Variants in HS6ST3 observed in about 807,000 individuals in gnomAD.
The protein encoded by HS6ST3 is heparan sulfate 6-O-sulfotransferase 3, also known as heparan-sulfate 6-O-sulfotransferase 3.
HS6ST3 carries 12 observed loss-of-function variants against 36.7 expected under a neutral mutation model. The observed-to-expected ratio is 0.33, with a 90% CI of 0.21 to 0.53. The LOEUF (loss-of-function observed/expected upper bound fraction) is 0.53, where lower values mean the gene tolerates loss of function less well. Ranked by LOEUF, HS6ST3 falls within the 20% of genes least tolerant of loss-of-function variation. The pLI, the probability that HS6ST3 is intolerant of heterozygous loss-of-function variation, is 0.95. For synonymous variants in HS6ST3, 240 were observed against 257.5 expected, an observed-to-expected ratio of 0.93 and a Z score of 0.65; for missense variants, 584 against 640.9, an observed-to-expected ratio of 0.91 and a Z score of 0.96.
chr13:96,210,657 A>C (rs1033451140), intron 1 of HS6ST3, among the ~76,000 whole-genome samples: 6 of 150,862 alleles, frequency 4.0e-5, no homozygotes, highest in African/African-American at 1.5e-4. Flanking sequence ...ACAGTGGCAC[A>C]ATCTCAGCTT....
chr13:96,194,061 CT>C (rs1203251812), intron 1 of HS6ST3, among the ~76,000 whole-genome samples: 1 of 152,186 alleles, frequency 6.6e-6, no homozygotes, highest in East Asian at 1.9e-4. Flanking sequence ...GTGGAATTCT[CT>C]TTTAATCTGC....
intron 1 of HS6ST3, among the ~76,000 whole-genome samples, chr13:96,331,997 C>A (rs2055072531): frequency 6.6e-6 from 1 of 152,238 alleles, no homozygotes; most frequent in African/African-American, 2.4e-5. Flanking sequence ...CTCCCTGACC[C>A]CTTGCGCTTC....
intron 1 of HS6ST3, among the ~76,000 whole-genome samples, chr13:96,344,124 ATAGGTGTGTATACG>A (rs550871853): frequency 1.2e-3 from 188 of 152,296 alleles, no homozygotes; most frequent in Admixed American, 4.0e-3. Flanking sequence ...TGTATATTAT[ATAGGTGTGTATACG>A]TAGGTGTCAG....
In HS6ST3 at chr13:96,494,405, G is replaced by C. The variant is rs12875290; in HGVS notation, c.708-338085G>C. On this transcript the variant is annotated intron_variant, in intron 1 of 1. Transcript: ENST00000376705. ...CGGGGCCTGTTGTGGGGTGGGGGGA[G>C]GGGGGAGGGATAGCATTAGGAGATA... is the stretch of plus-strand genomic sequence containing the variant. Among the ~76,000 whole-genome samples the C allele has an allele frequency of 2.5e-5, 3 of 120,934 alleles. No individual in the cohort carries two copies. In the Admixed American group the frequency reaches 2.7e-4, roughly 11 times the overall value. The allele number at this position is 120,934 out of a possible 152,430, so 79.3% of individuals were successfully genotyped here. A position where few individuals can be genotyped will look rare whatever the true frequency, so the allele number is the denominator to read the frequency against.
intron 1 of HS6ST3, among the ~76,000 whole-genome samples, chr13:96,442,805 A>G (rs1202851520): frequency 6.6e-6 from 1 of 151,520 alleles, no homozygotes; most frequent in African/African-American, 2.4e-5. Context: ...GTCTGAGAAC[A>G]TGATAAAGGA....
chr13:96,652,338 C>T (rs2056610333), intron 1 of HS6ST3, among the ~76,000 whole-genome samples: 2 of 151,514 alleles, frequency 1.3e-5, no homozygotes, highest in Non-Finnish European at 2.9e-5. Context: ...AGTCCCGTCC[C>T]TTTCCTCTCC....
Position 96,440,517 on chromosome 13 carries a change from A to G in HS6ST3, c.707+348948A>G, listed in dbSNP as rs72639760. ...GAGAAAGGAAAGGAAAGGAAAGGAA[A>G]GGAAAGGAAAAGAGGGTTTTCTTAG... On this transcript the variant is annotated intron_variant, in intron 1 of 1. Transcript: ENST00000376705. Among the ~76,000 whole-genome samples the G allele has an allele frequency of 1.0e-4, 8 of 79,774 alleles. No homozygotes were observed. The East Asian group carries it at 2.6e-3, about 26-fold the overall frequency. The allele number at this position is 79,774 out of a possible 152,430, so 52.3% of individuals were successfully genotyped here.
chr13:96,521,703 T>C (rs2056094216), intron 1 of HS6ST3, among the ~76,000 whole-genome samples: 1 of 152,180 alleles, frequency 6.6e-6, no homozygotes, highest in South Asian at 2.1e-4. Flanking sequence ...TGATATCCCC[T>C]TTATCATGTT....
At chr13:96,121,552 C>T (rs1402160691) in intron 1 of HS6ST3, among the ~76,000 whole-genome samples, 1 of 152,238 alleles carries the variant, frequency 6.6e-6, no homozygotes. Flanking sequence ...TAGATGGCCA[C>T]AATTGCTAAT....
At chr13:96,461,276 A>G (rs1217832968) in intron 1 of HS6ST3, among the ~76,000 whole-genome samples, 1 of 152,244 alleles carries the variant, frequency 6.6e-6, no homozygotes, top group East Asian at 1.9e-4. Context: ...TATCCTTCAA[A>G]AACTGACAGT....
intron 1 of HS6ST3, among the ~76,000 whole-genome samples, chr13:96,616,737 G>A (rs2056475601): frequency 6.6e-6 from 1 of 152,178 alleles, no homozygotes; most frequent in Non-Finnish European, 1.5e-5. Context: ...TTATTAGACA[G>A]TTGTAATAAT....
chr13:96,787,456 T>G (rs181499052), intron 1 of HS6ST3, among the ~76,000 whole-genome samples: 1 of 152,272 alleles, frequency 6.6e-6, no homozygotes, highest in East Asian at 1.9e-4. Flanking sequence ...TATATATGTA[T>G]TTACTTTAGC....
intron 1 of HS6ST3, among the ~76,000 whole-genome samples, chr13:96,403,847 C>G (rs1366713217): frequency 2.0e-5 from 3 of 152,154 alleles, no homozygotes; most frequent in Non-Finnish European, 4.4e-5. Flanking sequence ...GGTTCTTAGG[C>G]AAAGACTGTG....
At chr13:96,696,764 C>G (rs1459220165) in intron 1 of HS6ST3, among the ~76,000 whole-genome samples, 1 of 152,120 alleles carries the variant, frequency 6.6e-6, no homozygotes, top group Non-Finnish European at 1.5e-5. Flanking sequence ...AGAATTAGGA[C>G]AGCCAACATG....
At chr13:96,787,998 G>A (rs1049426448) in intron 1 of HS6ST3, among the ~76,000 whole-genome samples, 9 of 152,012 alleles carry the variant, frequency 5.9e-5, no homozygotes, top group African/African-American at 2.2e-4. Flanking sequence ...AACACCATTT[G>A]TTGAAGACAC....
chr13:96,766,000 C>G (rs1253587865), intron 1 of HS6ST3, among the ~76,000 whole-genome samples: 3 of 152,238 alleles, frequency 2.0e-5, no homozygotes, highest in Non-Finnish European at 4.4e-5. Context: ...TGAGCATAAA[C>G]TGGCAGTACA....
In HS6ST3 at chr13:96,476,282, C is replaced by T. The variant is rs74106470; in HGVS notation, c.708-356208C>T. 8.7e-3 allele frequency among the ~76,000 whole-genome samples: 1,327 copies of T among 152,164 alleles called. 20 individuals are homozygous for T. Among genetic ancestry groups the T allele is most frequent in the African/African-American group, 0.03 (1,241 of 41,506 alleles). On this transcript the variant is annotated intron_variant, in intron 1 of 1. Coordinates refer to ENST00000376705, the MANE Select transcript of HS6ST3 (RefSeq NM_153456.4). ...GACAGATGCTAGGGGTCTTTAGACACGTACAATGGATGGGTTGCTGATGGG... is the reference window on the plus strand; with the variant it reads ...GACAGATGCTAGGGGTCTTTAGACATGTACAATGGATGGGTTGCTGATGGG...
intron 1 of HS6ST3, among the ~76,000 whole-genome samples, chr13:96,109,766 A>G (rs1027439352): frequency 1.3e-5 from 2 of 152,322 alleles, no homozygotes; most frequent in East Asian, 3.9e-4. Context: ...TATGCACCTC[A>G]GTCAGTTGTT....
At chr13:96,830,378 G>T (rs1470920823) in intron 1 of HS6ST3, among the ~76,000 whole-genome samples, 2 of 152,188 alleles carry the variant, frequency 1.3e-5, no homozygotes, top group Non-Finnish European at 2.9e-5. Context: ...GAATGATACA[G>T]GGGAGGAATA....
Sources: allele counts gnomAD v4.1 joint callset (sites outside exome capture counted in the v4.1 genomes callset), GRCh38; gene constraint gnomAD v4.1.1; transcripts MANE v1.5; gene names NCBI Gene and HGNC (gene_info 2026-07-23, HGNC 2026-07-21).